Variants in RNF220 observed in about 807,000 individuals in gnomAD.
RNF220 encodes the protein ring finger protein 220.
In RNF220, 7 loss-of-function variants were observed where a neutral mutation model predicts 67.1. The ratio of observed to expected loss-of-function variants is 0.10; its 90% CI spans 0.06 to 0.20. The LOEUF (loss-of-function observed/expected upper bound fraction) is 0.20, where lower values mean the gene tolerates loss of function less well. RNF220 is among the 10% of genes least tolerant of loss of function. The probability of loss-of-function intolerance (pLI) is 1.00; values close to 1 mark genes in which losing one functional copy is unlikely to be tolerated. For synonymous variants in RNF220, 270 were observed against 283.2 expected (o/e 0.95, Z 0.47); for missense variants, 565 against 740.3 (o/e 0.76, Z 2.75).
intron 2 of RNF220, among the ~76,000 whole-genome samples, chr1:44,418,125 G>C (rs1022283524): frequency 6.6e-6 from 1 of 152,246 alleles, no homozygotes; most frequent in Non-Finnish European, 1.5e-5. Flanking sequence ...ACGGATAAGG[G>C]GGGGGCGCCC....
Position 44,468,776 on chromosome 1 carries a change from G to A in RNF220, c.625+56054G>A, listed in dbSNP as rs572850124. On this transcript the variant is annotated intron_variant, in intron 2 of 14. Coordinates refer to ENST00000361799, the MANE Select transcript of RNF220 (RefSeq NM_018150.4). The stretch of plus-strand genomic sequence containing the variant: ...AAAAAAATACAAAAAAATTAGCCGG[G>A]CATGGTGATGCACACCTGTGATCCC... 9.9e-5 allele frequency among the ~76,000 whole-genome samples: 15 copies of A among 152,184 alleles called. No homozygotes were observed. In the South Asian group the frequency reaches 1.2e-3, roughly 13 times the overall value.
Position 44,412,809 on chromosome 1 carries a change from T to C in RNF220, c.625+87T>C, listed in dbSNP as rs568392627. On this transcript the variant is annotated intron_variant, in intron 2 of 14. Coordinates refer to ENST00000361799, the MANE Select transcript of RNF220 (RefSeq NM_018150.4). The surrounding 1 kb of genome is among the most constrained non-coding windows in gnomAD (Gnocchi z 5.3). The stretch of plus-strand genomic sequence containing the variant: ...AACAGGTCGGTGGCGTTTTGCATGC[T>C]CCTAGTAATAGGAAGGGCCAACTAC... The C allele has an allele frequency of 1.0e-5, 15 of 1,461,376 alleles. No homozygotes were observed. The highest frequency in any genetic ancestry group is 2.3e-5 in the East Asian group (1 of 43,894). The allele number at this position is 1,461,376 out of a possible 1,614,324, so 90.5% of individuals were successfully genotyped here. A position where few individuals can be genotyped will look rare whatever the true frequency, so the allele number is the denominator to read the frequency against.
chr1:44,637,232 A>G (rs1048155987), intron 8 of RNF220, among the ~76,000 whole-genome samples: 2 of 152,354 alleles, frequency 1.3e-5, no homozygotes, highest in Admixed American at 1.3e-4. Flanking sequence ...CGAAGGGGCT[A>G]AGAGCCCAGA....
chr1:44,637,824 C>T (rs969074735), intron 8 of RNF220, among the ~76,000 whole-genome samples: 2 of 152,286 alleles, frequency 1.3e-5, no homozygotes, highest in East Asian at 3.9e-4. Flanking sequence ...ATTTGGAGAG[C>T]GAGAATGAGA....
intron 5 of RNF220, among the ~76,000 whole-genome samples, chr1:44,629,676 A>T: frequency 6.6e-6 from 1 of 152,168 alleles, no homozygotes; most frequent in East Asian, 1.9e-4. Context: ...TGTCTCTACT[A>T]AAAATATAAA....
chr1:44,625,931 G>T (rs567329550), intron 4 of RNF220, among the ~76,000 whole-genome samples: 1 of 152,088 alleles, frequency 6.6e-6, no homozygotes, highest in African/African-American at 2.4e-5. Flanking sequence ...GCGGGGTAGC[G>T]GGTATATGGC....
At chr1:44,471,520 C>T (rs1035702996) in intron 2 of RNF220, among the ~76,000 whole-genome samples, 3 of 151,298 alleles carry the variant, frequency 2.0e-5, no homozygotes, top group East Asian at 2.0e-4. Context: ...ATTTTCATCA[C>T]GCTATAAAGA....
At chr1:44,561,948 C>T (rs1233664468) in intron 2 of RNF220, among the ~76,000 whole-genome samples, 2 of 152,146 alleles carry the variant, frequency 1.3e-5, no homozygotes, top group East Asian at 1.9e-4. Flanking sequence ...GAGAGCTAGG[C>T]AGGACCAAAT....
At chr1:44,442,223 C>T (rs1382000167) in intron 2 of RNF220, among the ~76,000 whole-genome samples, 1 of 151,990 alleles carries the variant, frequency 6.6e-6, no homozygotes, top group African/African-American at 2.4e-5. Context: ...GGCCTCCCTT[C>T]CTCAAACTCC....
chr1:44,514,704 C>A (rs1457597014), intron 2 of RNF220, among the ~76,000 whole-genome samples: 3 of 152,168 alleles, frequency 2.0e-5, no homozygotes, highest in Admixed American at 1.3e-4. Flanking sequence ...AAAGATATAT[C>A]TTTTGGCTAA....
chr1:44,443,608 C>A (rs1395666140), intron 2 of RNF220, among the ~76,000 whole-genome samples: 1 of 152,220 alleles, frequency 6.6e-6, no homozygotes, highest in Non-Finnish European at 1.5e-5. Context: ...TCACCATTCT[C>A]CTCTTAGCTT....
At chr1:44,467,491 G>T (rs183799371) in intron 2 of RNF220, among the ~76,000 whole-genome samples, 1 of 152,204 alleles carries the variant, frequency 6.6e-6, no homozygotes, top group Non-Finnish European at 1.5e-5. Context: ...GATTACAGGC[G>T]TGAGCCACCG....
chr1:44,438,442 G>A (rs1170143062), intron 2 of RNF220, among the ~76,000 whole-genome samples: 1 of 152,124 alleles, frequency 6.6e-6, no homozygotes, highest in Non-Finnish European at 1.5e-5. Context: ...GTTTTACTTT[G>A]TCAAAATAAT....
In RNF220 at chr1:44,598,905, C is replaced by T. The variant is rs539672483; in HGVS notation, c.626-15260C>T. Among the ~76,000 whole-genome samples, 166 of 152,210 alleles carry T rather than the reference C, an allele frequency of 1.1e-3. 1 individual carries two copies. The highest frequency in any genetic ancestry group is 3.8e-3 in the African/African-American group (159 of 41,524). ...TAAGCAAAAGAAGGTTTCGGCATTGCCTCAATTGCCTTCCTTCCCCTATCC... is the reference window on the plus strand; with the variant it reads ...TAAGCAAAAGAAGGTTTCGGCATTGTCTCAATTGCCTTCCTTCCCCTATCC... On this transcript the variant is annotated intron_variant, in intron 2 of 14. Coordinates refer to ENST00000361799, the MANE Select transcript of RNF220 (RefSeq NM_018150.4).
intron 2 of RNF220, among the ~76,000 whole-genome samples, chr1:44,583,292 G>A (rs1249915364): frequency 6.6e-6 from 1 of 151,990 alleles, no homozygotes; most frequent in Non-Finnish European, 1.5e-5. Flanking sequence ...ATCTCTGCAG[G>A]TTCTATTCTA....
At chr1:44,509,884 C>CAAAAAAAAAAAAAA (rs1557996558) in intron 2 of RNF220, among the ~76,000 whole-genome samples, 3 of 80,406 alleles carry the variant, frequency 3.7e-5, no homozygotes, top group Non-Finnish European at 4.7e-5. Flanking sequence ...GAGACCCTGT[C>CAAAAAAAAAAAAAA]CAAAAAAAAA....
At chr1:44,436,062 A>T (rs1433077400) in intron 2 of RNF220, among the ~76,000 whole-genome samples, 2 of 152,132 alleles carry the variant, frequency 1.3e-5, no homozygotes, top group African/African-American at 4.8e-5. Context: ...AGTTTAACAG[A>T]ATCGTCCTAA....
At chr1:44,583,215 G>GATATATAT (rs35343175) in intron 2 of RNF220, among the ~76,000 whole-genome samples, 25 of 149,050 alleles carry the variant, frequency 1.7e-4, no homozygotes, top group African/African-American at 6.2e-4. Context: ...TCCAGAAGCA[G>GATATATAT]ATATATATAT....
At chr1:44,490,235 G>A (rs182357767) in intron 2 of RNF220, among the ~76,000 whole-genome samples, 17 of 151,986 alleles carry the variant, frequency 1.1e-4, no homozygotes, top group East Asian at 9.7e-4. Flanking sequence ...TTGGGAGGCC[G>A]AGGCAGGTGG....
Sources: allele counts gnomAD v4.1 joint callset (sites outside exome capture counted in the v4.1 genomes callset), GRCh38; gene constraint gnomAD v4.1.1; non-coding constraint Gnocchi (gnomAD v3.1); transcripts MANE v1.5; gene names NCBI Gene and HGNC (gene_info 2026-07-23, HGNC 2026-07-21).